The following PTPRT variants were observed in gnomAD, a reference collection of about 807,000 sequenced individuals.
PTPRT encodes receptor-type tyrosine-protein phosphatase T.
In PTPRT, 56 loss-of-function variants were observed where a neutral mutation model predicts 176.8. That is an observed-to-expected ratio of 0.32 (90% CI 0.26 to 0.40). PTPRT has a LOEUF of 0.40. Ranked by LOEUF, PTPRT falls within the 10% of genes least tolerant of loss-of-function variation. The pLI, the probability that PTPRT is intolerant of heterozygous loss-of-function variation, is 1.00. For synonymous variants in PTPRT, 783 were observed against 739.0 expected (o/e 1.06, Z -0.96); for missense variants, 1,540 against 1,908.2 (o/e 0.81, Z 3.60).
intron 9 of PTPRT, among the ~76,000 whole-genome samples, chr20:42,427,017 G>T (rs1477235348): frequency 6.6e-6 from 1 of 152,082 alleles, no homozygotes; most frequent in Non-Finnish European, 1.5e-5. Context: ...ACTCCTCTGG[G>T]CTCCATTTAT....
At chr20:42,085,485 A>T (rs1268138135) in intron 28 of PTPRT, among the ~76,000 whole-genome samples, 1 of 152,188 alleles carries the variant, frequency 6.6e-6, no homozygotes, top group Non-Finnish European at 1.5e-5. Context: ...TTTTGTCTAC[A>T]CGGCAGCAAG....
At chr20:42,595,289 A>T (rs2073651434) in intron 7 of PTPRT, among the ~76,000 whole-genome samples, 1 of 152,006 alleles carries the variant, frequency 6.6e-6, no homozygotes, top group South Asian at 2.1e-4. Context: ...CAGCCTCACC[A>T]CCATTGACAT....
chr20:42,988,747 G>C (rs535171147), intron 1 of PTPRT, among the ~76,000 whole-genome samples: 1 of 152,310 alleles, frequency 6.6e-6, no homozygotes, highest in East Asian at 1.9e-4. Flanking sequence ...TTGCAGCAGA[G>C]ATGAACATTG....
At chr20:42,244,653 T>G (rs1231636060) in intron 14 of PTPRT, among the ~76,000 whole-genome samples, 1 of 152,198 alleles carries the variant, frequency 6.6e-6, no homozygotes, top group Non-Finnish European at 1.5e-5. Flanking sequence ...GCTTTGAGCT[T>G]TAAGGGACCA....
chr20:42,951,382 T>A (rs1045187861), intron 1 of PTPRT, among the ~76,000 whole-genome samples: 1 of 146,468 alleles, frequency 6.8e-6, no homozygotes. Flanking sequence ...GAGGGATAGA[T>A]GAATAAATAG....
At chr20:42,128,143 C>T (rs1172230160) in intron 19 of PTPRT, among the ~76,000 whole-genome samples, 2 of 152,174 alleles carry the variant, frequency 1.3e-5, no homozygotes, top group Non-Finnish European at 2.9e-5. Flanking sequence ...TTGTGCTATT[C>T]TCTCTAACTA....
At position 42,140,163 on chromosome 20, in the gene PTPRT, TAAAACAAAAC is replaced by T. The variant is rs986596998; in HGVS notation, c.2770+1742_2770+1751del. Among the ~76,000 whole-genome samples the T allele has an allele frequency of 2.0e-5, 3 of 152,186 alleles. No homozygotes were observed. The East Asian group carries it at 5.8e-4, about 29-fold the overall frequency. ...TTTTCTTAGGCAATGTCTAGACAGT[TAAAACAAAAC>T]AAAACAAAACAAAACTCTGAATTGT... On this transcript the variant is annotated intron_variant, in intron 18 of 30. Transcript: ENST00000373187.
intron 1 of PTPRT, among the ~76,000 whole-genome samples, chr20:43,150,323 C>G (rs1202524095): frequency 6.6e-6 from 1 of 152,186 alleles, no homozygotes; most frequent in Non-Finnish European, 1.5e-5. Flanking sequence ...CAACTCAGAA[C>G]TGACCAGTAA....
At chr20:43,108,746 T>C (rs534384340) in intron 1 of PTPRT, among the ~76,000 whole-genome samples, 25 of 152,156 alleles carry the variant, frequency 1.6e-4, no homozygotes, top group Middle Eastern at 3.4e-3. Context: ...AAGCCAATAA[T>C]GTGAAAAGCA....
chr20:42,647,468 G>A (rs535565427), intron 7 of PTPRT, among the ~76,000 whole-genome samples: 5 of 152,190 alleles, frequency 3.3e-5, no homozygotes, highest in East Asian at 3.9e-4. Flanking sequence ...CCCACTGCAC[G>A]TTTCAGGTTC....
chr20:42,935,273 G>C (rs1353419303), intron 1 of PTPRT, among the ~76,000 whole-genome samples: 1 of 149,810 alleles, frequency 6.7e-6, no homozygotes, highest in Admixed American at 6.8e-5. Flanking sequence ...CTGAGAAGCT[G>C]GGACTACAGG....
rs1426353577 is a variant in PTPRT, at chr20:42,738,107, G to A, written c.859+18355C>T. Among the ~76,000 whole-genome samples, 4 of 152,258 alleles carry A rather than the reference G, an allele frequency of 2.6e-5. No homozygotes were observed. The South Asian group carries it at 8.3e-4, about 32-fold the overall frequency. ...CATGCCCCGGGTCCATGTGGCAAGTGCCAGAGCTGGGATCTGAATACAAGT... is the reference window on the plus strand; with the variant it reads ...CATGCCCCGGGTCCATGTGGCAAGTACCAGAGCTGGGATCTGAATACAAGT... On this transcript the variant is annotated intron_variant, in intron 6 of 30. Coordinates refer to ENST00000373187, the MANE Select transcript of PTPRT (RefSeq NM_007050.6).
intron 12 of PTPRT, among the ~76,000 whole-genome samples, chr20:42,307,973 T>C (rs1390777316): frequency 6.6e-6 from 1 of 152,190 alleles, no homozygotes; most frequent in Non-Finnish European, 1.5e-5. Context: ...CGAATTATAA[T>C]GCATCAGCAT....
chr20:42,257,452 A>T (rs532019530), intron 13 of PTPRT, among the ~76,000 whole-genome samples: 1 of 152,214 alleles, frequency 6.6e-6, no homozygotes, highest in African/African-American at 2.4e-5. Context: ...CCCTATCACT[A>T]TGGTTTGGAT....
chr20:42,311,666 A>G (rs1277522679), intron 12 of PTPRT, among the ~76,000 whole-genome samples: 1 of 151,990 alleles, frequency 6.6e-6, no homozygotes, highest in East Asian at 1.9e-4. Flanking sequence ...TCTCTTTCAC[A>G]ATGGAGCAAA....
At chr20:42,939,498 T>C (rs746643324) in intron 1 of PTPRT, among the ~76,000 whole-genome samples, 15 of 152,226 alleles carry the variant, frequency 9.9e-5, no homozygotes, top group Non-Finnish European at 2.1e-4. Flanking sequence ...TGTTACTCTC[T>C]GTACCCACTG....
chr20:42,747,333 A>G (rs1382617138), intron 6 of PTPRT, among the ~76,000 whole-genome samples: 1 of 152,224 alleles, frequency 6.6e-6, no homozygotes, highest in Non-Finnish European at 1.5e-5. Flanking sequence ...AGCCCCTTCT[A>G]TATGCCAGGT....
At chr20:42,165,205 C>T (rs1317037128) in intron 16 of PTPRT, among the ~76,000 whole-genome samples, 2 of 152,184 alleles carry the variant, frequency 1.3e-5, no homozygotes, top group African/African-American at 4.8e-5. Context: ...CTGCTACCAG[C>T]CATATAGATC....
chr20:42,914,242 A>C (rs1600551069), intron 1 of PTPRT, among the ~76,000 whole-genome samples: 1 of 152,214 alleles, frequency 6.6e-6, no homozygotes, highest in East Asian at 1.9e-4. Flanking sequence ...ATGAGGCAAA[A>C]GGGTGGTATC....
Sources: gnomAD v4.1 joint callset for allele counts (sites outside exome capture counted in the v4.1 genomes callset) on GRCh38, gnomAD v4.1.1 for gene constraint, MANE v1.5 for transcripts, NCBI Gene and HGNC (gene_info 2026-07-23, HGNC 2026-07-21) for gene names.